Variants in ECPAS observed in about 807,000 individuals in gnomAD.
ECPAS encodes the protein Ecm29 proteasome adaptor and scaffold, also known as proteasome adapter and scaffold protein ECM29.
ECPAS carries 70 observed loss-of-function variants against 255.1 expected under a neutral mutation model. The ratio of observed to expected loss-of-function variants is 0.27; its 90% CI spans 0.23 to 0.33. ECPAS has a LOEUF of 0.33. ECPAS is among the 10% of genes least tolerant of loss of function. The pLI, the probability that ECPAS is intolerant of heterozygous loss-of-function variation, is 1.00. For synonymous variants in ECPAS, 784 were observed against 775.0 expected, an observed-to-expected ratio of 1.01 and a Z score of -0.19; for missense variants, 1,817 against 2,206.4, an observed-to-expected ratio of 0.82 and a Z score of 3.54.
intron 21 of ECPAS, 109 bp downstream of exon 21, chr9:111,411,905 G>A (rs2098195141): frequency 4.0e-6 from 4 of 1,009,774 alleles, no homozygotes; most frequent in South Asian, 2.0e-5. Flanking sequence ...ATAAAAGCAA[G>A]GAATTTGTAA....
intron 35 of ECPAS, among the ~76,000 whole-genome samples, chr9:111,379,681 AC>A (rs2098138098): frequency 1.3e-5 from 2 of 152,202 alleles, no homozygotes. Context: ...ATCCTCTCCA[AC>A]CCTGTTGTTG....
intron 15 of ECPAS, 71 bp downstream of exon 15, chr9:111,421,850 A>G: frequency 1.9e-6 from 3 of 1,539,212 alleles, no homozygotes; most frequent in Non-Finnish European, 2.6e-6. Flanking sequence ...AAAGTTAAGT[A>G]GCAATTCAAA....
chr9:111,408,556 T>C lies in ECPAS; in HGVS notation c.2652+15A>G. On this transcript the variant is annotated intron_variant, in intron 24 of 49. Transcript: ENST00000684092. Reference sequence around the variant, plus strand: ...TTTCTCTGAATAACTAACAATCAGGTAGCAATATAAATACCTCCACAGAAT... The same window carrying C: ...TTTCTCTGAATAACTAACAATCAGGCAGCAATATAAATACCTCCACAGAAT... 1.4e-6 allele frequency: 2 copies of C among 1,409,892 alleles called. No individual in the cohort carries two copies. Among genetic ancestry groups the C allele is most frequent in the Non-Finnish European group, 1.9e-6 (2 of 1,055,788 alleles). 87.3% of individuals were successfully genotyped at this position (1,409,892 alleles called of 1,614,324 possible).
intron 22 of ECPAS, 78 bp from the exon 23 acceptor site, chr9:111,410,291 G>T: frequency 7.9e-7 from 1 of 1,263,550 alleles, no homozygotes; most frequent in East Asian, 2.5e-5. Context: ...TGTACTCAAG[G>T]TTTTTTTTAA....
At chr9:111,419,690 T>A (rs1180990085) in intron 16 of ECPAS, among the ~76,000 whole-genome samples, 1 of 151,372 alleles carries the variant, frequency 6.6e-6, no homozygotes, top group Non-Finnish European at 1.5e-5. Context: ...TTTTTAGATA[T>A]ATAATTATAT....
In ECPAS at chr9:111,371,602, G is replaced by T; in HGVS notation, c.4737+19C>A. 6.3e-7 allele frequency: 1 copy of T among 1,599,864 alleles called. No homozygotes were observed. The highest frequency in any genetic ancestry group is 8.6e-7 in the Non-Finnish European group (1 of 1,167,840). ...ATGAAGTCAGAATCCCTTTAACTGG[G>T]TATGAATGGTTCCTTTACCTTTCCT... On this transcript the variant is annotated intron_variant, in intron 43 of 49. Transcript: ENST00000684092.
chr9:111,412,234 T>C, intron 20 of ECPAS, 86 bp from the exon 21 acceptor site: 1 of 1,184,806 alleles, frequency 8.4e-7, no homozygotes, highest in South Asian at 1.8e-5. Context: ...AAAAGAACGT[T>C]CAATCTGTTG....
chr9:111,452,059 T>C (rs1255205385), intron 2 of ECPAS, among the ~76,000 whole-genome samples: 4 of 152,152 alleles, frequency 2.6e-5, no homozygotes, highest in Non-Finnish European at 5.9e-5. Flanking sequence ...GAGAGACATA[T>C]GTTAAGTGAC....
intron 1 of ECPAS, among the ~76,000 whole-genome samples, chr9:111,480,860 G>A (rs747509761): frequency 1.4e-4 from 21 of 152,146 alleles, no homozygotes; most frequent in Non-Finnish European, 2.9e-4. Context: ...CTTTCCATTA[G>A]GTACTAGAGC....
At chr9:111,467,084 C>T (rs978558393) in intron 2 of ECPAS, among the ~76,000 whole-genome samples, 6 of 152,162 alleles carry the variant, frequency 3.9e-5, no homozygotes, top group Admixed American at 3.3e-4. Context: ...ACAACTTTAA[C>T]TTCTAAATTA....
intron 1 of ECPAS, among the ~76,000 whole-genome samples, chr9:111,474,084 G>C (rs2098293126): frequency 6.6e-6 from 1 of 152,190 alleles, no homozygotes; most frequent in Non-Finnish European, 1.5e-5. Context: ...AGAAGTATCA[G>C]AATCAGGATT....
chr9:111,386,546 AAC>A (rs2098148919), intron 31 of ECPAS, 90 bp from the exon 32 acceptor site: 1 of 722,618 alleles, frequency 1.4e-6, no homozygotes, highest in South Asian at 1.7e-5. Context: ...AACCACACTT[AAC>A]CACACTGACC....
At chr9:111,375,076 G>A in intron 38 of ECPAS, 37 bp downstream of exon 38, 1 of 1,444,434 alleles carries the variant, frequency 6.9e-7, no homozygotes, top group African/African-American at 1.4e-5. Context: ...CAGAACTAAT[G>A]AAGATGCACA....
intron 1 of ECPAS, 195 bp downstream of exon 1, chr9:111,483,921 G>T: frequency 2.8e-6 from 2 of 719,936 alleles, no homozygotes; most frequent in Non-Finnish European, 3.4e-6. Flanking sequence ...CCTCCCAGCG[G>T]CCCCCCCGCC....
intron 17 of ECPAS, 28 bp downstream of exon 17, chr9:111,417,855 A>G (rs1028354760): frequency 3.9e-6 from 6 of 1,529,096 alleles, no homozygotes; most frequent in Non-Finnish European, 4.4e-6. Context: ...TATGATTTAG[A>G]CTAATTACCT....
Position 111,386,392 on chromosome 9 carries a change from C to T in ECPAS, c.3512G>A (p.Arg1171Gln), listed in dbSNP as rs543925247. The change falls in exon 32 of 50, where the codon CGA becomes CAA. Residue 1171 changes from arginine to glutamine, a missense_variant. Physicochemically the swap from Arg to Gln is conservative, Grantham distance 43. Coordinates refer to ENST00000684092, the MANE Select transcript of ECPAS (RefSeq NM_001364929.1). ...LVKNLTSNMW[R>Q]VRESSCLALN... is the part of the protein sequence containing the mutation. ...AAAACGGTACCTGGATTCTCGAACT[C>T]GCCACATATTGCTTGTAAGGTTCTT... 6 of 1,599,554 alleles carry T rather than the reference C, an allele frequency of 3.8e-6. No homozygotes were observed. The highest frequency in any genetic ancestry group is 1.1e-5 in the South Asian group (1 of 89,786).
At position 111,436,990 on chromosome 9, in the gene ECPAS, C is replaced by T. The variant is rs748148841; in HGVS notation, c.658G>A (p.Ala220Thr). ...GGGTTATCACCAATAACTCGTTTGG[C>T]TGCATAAAAGCTCATTCCCGGAGGA... ...QPPPGMSFYA[A>T]KRVIGDNPWT... is the part of the protein sequence containing the mutation. The change falls in exon 7 of 50, where the codon GCC becomes ACC. Residue 220 changes from alanine (A) to threonine (T), a missense_variant. Physicochemically the swap from Ala to Thr is moderately conservative, Grantham distance 58. Coordinates refer to ENST00000684092, the MANE Select transcript of ECPAS (RefSeq NM_001364929.1). 6 of 1,613,062 alleles carry T rather than the reference C, an allele frequency of 3.7e-6. No individual in the cohort carries two copies. In the Admixed American group the frequency reaches 8.4e-5, roughly 22 times the overall value.
At chr9:111,378,148 AAAAAAT>A (rs368322869) in intron 36 of ECPAS, among the ~76,000 whole-genome samples, 38 of 151,128 alleles carry the variant, frequency 2.5e-4, no homozygotes, top group Admixed American at 1.9e-3. Context: ...TCCGTCTCCA[AAAAAAT>A]AAAAATAAAA....
intron 24 of ECPAS, among the ~76,000 whole-genome samples, chr9:111,397,591 G>A (rs745816012): frequency 3.9e-5 from 6 of 152,160 alleles, no homozygotes; most frequent in Non-Finnish European, 8.8e-5. Flanking sequence ...GTCATCCACA[G>A]CATTAGGCTT....
Sources: gnomAD v4.1 joint callset for allele counts (sites outside exome capture counted in the v4.1 genomes callset) on GRCh38, gnomAD v4.1.1 for gene constraint, MANE v1.5 for transcripts, NCBI Gene and HGNC (gene_info 2026-07-23, HGNC 2026-07-21) for gene names.